Variants in DAB1 observed in about 807,000 individuals in gnomAD.
DAB1 encodes the protein disabled homolog 1.
A neutral mutation model predicts 64.6 loss-of-function variants in DAB1; 15 were observed. That is an observed-to-expected ratio of 0.23 (90% CI 0.16 to 0.36). The LOEUF is 0.36. DAB1 is among the 10% of genes least tolerant of loss of function. The pLI is 1.00. For synonymous variants in DAB1, 235 were observed against 251.9 expected, an observed-to-expected ratio of 0.93 and a Z score of 0.64; for missense variants, 596 against 706.7, an observed-to-expected ratio of 0.84 and a Z score of 1.78.
In DAB1 at chr1:57,709,507, C is replaced by T. The variant is rs74075839; in HGVS notation, n.552-59842G>A. ...TGCTGTCATTGTCTGGGGTAATAAC[C>T]GAGGCTCATTACCCCACCGCCTCAG... On this transcript the variant is annotated intron_variant and non_coding_transcript_variant, in intron 6 of 20. Coordinates refer to the DAB1 transcript ENST00000485760. Among the ~76,000 whole-genome samples the T allele has an allele frequency of 3.8e-3, 578 of 151,966 alleles. 3 individuals are homozygous for T. The highest frequency in any genetic ancestry group is 0.013 in the African/African-American group (536 of 41,430).
intron 2 of DAB1, among the ~76,000 whole-genome samples, chr1:57,217,426 G>C (rs143986633): frequency 3.9e-5 from 6 of 151,916 alleles, no homozygotes; most frequent in Admixed American, 2.6e-4. Context: ...TGTCCTTATC[G>C]GTCCAAAAAT....
intron 2 of DAB1, among the ~76,000 whole-genome samples, chr1:57,285,565 C>A (rs1468931140): frequency 6.6e-6 from 1 of 152,044 alleles, no homozygotes; most frequent in African/African-American, 2.4e-5. Context: ...GAGCACCACA[C>A]CCAGCCCCCT....
chr1:57,402,697 ACT>A (rs2101035293), intron 1 of DAB1, among the ~76,000 whole-genome samples: 1 of 152,278 alleles, frequency 6.6e-6, no homozygotes, highest in African/African-American at 2.4e-5. Context: ...TACATTGTTA[ACT>A]CTCTGGGGCA....
At chr1:58,012,848 G>A (rs1422088007) in intron 5 of DAB1, among the ~76,000 whole-genome samples, 3 of 152,160 alleles carry the variant, frequency 2.0e-5, no homozygotes, top group East Asian at 1.9e-4. Context: ...AGCCAGAATC[G>A]ACTAAGACAT....
At chr1:57,683,722 G>A (rs1570734621) in intron 6 of DAB1, among the ~76,000 whole-genome samples, 1 of 152,172 alleles carries the variant, frequency 6.6e-6, no homozygotes, top group African/African-American at 2.4e-5. Context: ...AAAAAAGCAA[G>A]AGTATCTCCT....
intron 2 of DAB1, among the ~76,000 whole-genome samples, chr1:57,264,663 C>T (rs577478372): frequency 4.0e-5 from 6 of 151,638 alleles, no homozygotes; most frequent in South Asian, 4.1e-4. Context: ...CTGAACATGA[C>T]GCCTAAACAT....
intron 11 of DAB1, among the ~76,000 whole-genome samples, chr1:57,018,257 C>G (rs144575825): frequency 5.5e-4 from 84 of 152,238 alleles, no homozygotes; most frequent in African/African-American, 2.0e-3. Flanking sequence ...CCTGACATCC[C>G]TGACAGAAGC....
chr1:58,085,420 T>G (rs1163508172), intron 5 of DAB1, among the ~76,000 whole-genome samples: 2 of 152,144 alleles, frequency 1.3e-5, no homozygotes, highest in Non-Finnish European at 2.9e-5. Context: ...CAGGCTGGAG[T>G]GCAGTGGCAT....
intron 7 of DAB1, among the ~76,000 whole-genome samples, chr1:57,536,774 C>T (rs1336973405): frequency 1.3e-5 from 2 of 152,106 alleles, no homozygotes; most frequent in Non-Finnish European, 2.9e-5. Flanking sequence ...CTTTCTGCTG[C>T]CGCAGCCCCA....
chr1:57,090,476 G>A (rs760221443), intron 4 of DAB1, among the ~76,000 whole-genome samples: 5 of 152,180 alleles, frequency 3.3e-5, no homozygotes, highest in Middle Eastern at 3.2e-3. Flanking sequence ...GGGAGCCAGC[G>A]TTTCTAAAGT....
intron 1 of DAB1, among the ~76,000 whole-genome samples, chr1:57,343,866 G>A (rs1478320108): frequency 6.6e-6 from 1 of 152,248 alleles, no homozygotes; most frequent in Non-Finnish European, 1.5e-5. Flanking sequence ...CAGTGCATCA[G>A]CGGGCTGAAG....
At chr1:57,897,995 G>T (rs1482667319) in intron 5 of DAB1, among the ~76,000 whole-genome samples, 1 of 152,138 alleles carries the variant, frequency 6.6e-6, no homozygotes, top group African/African-American at 2.4e-5. Context: ...GGTCCTGCAG[G>T]AAGGAATGGG....
chr1:57,345,019 C>G (rs149074477), intron 1 of DAB1, among the ~76,000 whole-genome samples: 9 of 152,216 alleles, frequency 5.9e-5, no homozygotes, highest in Non-Finnish European at 8.8e-5. Context: ...GAGACCCAGA[C>G]AGTCTTGTTT....
intron 2 of DAB1, among the ~76,000 whole-genome samples, chr1:57,182,469 C>T (rs1299174753): frequency 6.6e-6 from 1 of 152,196 alleles, no homozygotes. Flanking sequence ...ACTGCCTGTG[C>T]ACTCTACATT....
At chr1:57,824,644 C>A (rs139446694), downstream of DAB1, among the ~76,000 whole-genome samples, 14 of 152,270 alleles carry the variant, frequency 9.2e-5, no homozygotes, top group African/African-American at 3.1e-4. Context: ...TTGCCCAAAG[C>A]CAACAGTGGG....
chr1:57,440,965 C>T (rs1315524663), intron 7 of DAB1, among the ~76,000 whole-genome samples: 1 of 152,064 alleles, frequency 6.6e-6, no homozygotes, highest in African/African-American at 2.4e-5. Flanking sequence ...GAGATCCTGT[C>T]ATCCAGAGAG....
chr1:57,955,509 C>T (rs559083950), intron 5 of DAB1, among the ~76,000 whole-genome samples: 2 of 133,632 alleles, frequency 1.5e-5, no homozygotes, highest in African/African-American at 2.7e-5. Flanking sequence ...AGTGTCTTGT[C>T]GATGACTCTG....
chr1:57,676,264 C>A (rs902601146), intron 6 of DAB1, among the ~76,000 whole-genome samples: 1 of 152,196 alleles, frequency 6.6e-6, no homozygotes, highest in Admixed American at 6.6e-5. Flanking sequence ...CACCAGGGCC[C>A]TTTCCATTCA....
intron 4 of DAB1, chr1:58,228,569 G>A (rs763236172): frequency 7.8e-5 from 34 of 433,170 alleles, no homozygotes; most frequent in African/African-American, 2.3e-4. Context: ...GGGGGAGGGG[G>A]GACTCTAGGA....
Sources: allele counts gnomAD v4.1 joint callset (sites outside exome capture counted in the v4.1 genomes callset), GRCh38; gene constraint gnomAD v4.1.1; transcripts MANE v1.5; gene names NCBI Gene and HGNC (gene_info 2026-07-23, HGNC 2026-07-21).